HNF4A: variants seen among roughly 807,000 people sequenced by gnomAD.
HNF4A encodes the protein hepatocyte nuclear factor 4 alpha, also known as hepatocyte nuclear factor 4-alpha.
HNF4A carries 15 observed loss-of-function variants against 52.4 expected under a neutral mutation model. That is an observed-to-expected ratio of 0.29 (90% confidence interval 0.19 to 0.44). The LOEUF is 0.44. HNF4A is among the 20% of genes least tolerant of loss of function. The probability of loss-of-function intolerance (pLI) is 1.00; values close to 1 mark genes in which losing one functional copy is unlikely to be tolerated. For missense variants in HNF4A, 479 were observed against 647.2 expected, an observed-to-expected ratio of 0.74 and a Z score of 2.82; for synonymous variants, 280 against 264.4, an observed-to-expected ratio of 1.06 and a Z score of -0.57.
At chr20:44,427,767 G>A (rs189926644) in intron 8 of HNF4A, among the ~76,000 whole-genome samples, 139 of 152,328 alleles carry the variant, frequency 9.1e-4, no homozygotes, top group Middle Eastern at 3.4e-3. Context: ...ATCAGGAGAG[G>A]CTTCTAAAGA....
chr20:44,414,757 G>GATTTT, intron 5 of HNF4A, 95 bp downstream of exon 5: 1 of 1,222,818 alleles, frequency 8.2e-7, no homozygotes. Context: ...GGACTGGCTT[G>GATTTT]ATTTTATTTT....
intron 1 of HNF4A, among the ~76,000 whole-genome samples, chr20:44,361,628 A>G (rs1202846893): frequency 6.6e-6 from 1 of 152,132 alleles, no homozygotes; most frequent in Non-Finnish European, 1.5e-5. Flanking sequence ...CAGTGAGCCA[A>G]GATCACGCCA....
At chr20:44,399,338 A>T (rs937124188), upstream of HNF4A, among the ~76,000 whole-genome samples, 3 of 152,166 alleles carry the variant, frequency 2.0e-5, no homozygotes, top group African/African-American at 7.2e-5. Context: ...AGAAGAGACG[A>T]TGTAAATAAA....
At chr20:44,369,180 T>C (rs1443550593) in intron 1 of HNF4A, among the ~76,000 whole-genome samples, 1 of 123,848 alleles carries the variant, frequency 8.1e-6, no homozygotes, top group Non-Finnish European at 1.6e-5. Flanking sequence ...ATGTGGGAGG[T>C]GGAGGTTTCA....
At chr20:44,383,324 A>G (rs2063178526) in intron 1 of HNF4A, among the ~76,000 whole-genome samples, 1 of 152,200 alleles carries the variant, frequency 6.6e-6, no homozygotes, top group Non-Finnish European at 1.5e-5. Context: ...AATGCCATAC[A>G]CATCATTATG....
At position 44,419,817 on chromosome 20, in the gene HNF4A, A is replaced by C. The variant is rs756539709; in HGVS notation, c.833A>C (p.Glu278Ala). The C allele has an allele frequency of 6.8e-6, 11 of 1,613,944 alleles. No homozygotes were observed. The East Asian group carries it at 2.5e-4, about 36-fold the overall frequency. The change falls in exon 7 of 10, where the codon GAG becomes GCG. Residue 278 changes from glutamate to alanine, a missense_variant. Glu to Ala is a moderately radical substitution (Grantham distance 107). Transcript: ENST00000316099. ...GACGAGCTGGTGCTGCCCTTCCAGGAGCTGCAGATCGATGACAATGAGTAT... is the reference window on the plus strand; with the variant it reads ...GACGAGCTGGTGCTGCCCTTCCAGGCGCTGCAGATCGATGACAATGAGTAT...
chr20:44,403,851 G>A (rs2146351044), intron 1 of HNF4A, among the ~76,000 whole-genome samples: 1 of 152,332 alleles, frequency 6.6e-6, no homozygotes. Context: ...AGATGATAGA[G>A]CTGACAGCCC....
At chr20:44,400,275 A>C (rs987011790), upstream of HNF4A, among the ~76,000 whole-genome samples, 1 of 151,946 alleles carries the variant, frequency 6.6e-6, no homozygotes, top group African/African-American at 2.4e-5. Flanking sequence ...CACAAAGCCC[A>C]CTCTGAAGGT....
At chr20:44,412,488 C>T (rs913897878) in intron 3 of HNF4A, among the ~76,000 whole-genome samples, 3 of 152,006 alleles carry the variant, frequency 2.0e-5, no homozygotes, top group Non-Finnish European at 2.9e-5. Flanking sequence ...GGCGGGTTTT[C>T]GCGGACAGAG....
At chr20:44,379,796 C>T (rs554724361) in intron 1 of HNF4A, among the ~76,000 whole-genome samples, 2 of 145,752 alleles carry the variant, frequency 1.4e-5, no homozygotes, top group East Asian at 2.0e-4. Context: ...TGCAGTGGCG[C>T]GATCTTGGCT....
chr20:44,364,994 C>T (rs1419181112), intron 1 of HNF4A, among the ~76,000 whole-genome samples: 2 of 152,118 alleles, frequency 1.3e-5, no homozygotes, highest in Admixed American at 6.6e-5. Flanking sequence ...GATGTGGTCC[C>T]TAGCGGGGCG....
chr20:44,378,928 AAAAAAAG>A (rs1172725985), intron 1 of HNF4A, among the ~76,000 whole-genome samples: 41 of 151,670 alleles, frequency 2.7e-4, no homozygotes, highest in African/African-American at 8.2e-4. Flanking sequence ...CAAAAAAAAA[AAAAAAAG>A]AAAAGAAAAG....
chr20:44,410,358 G>A (rs897102262), intron 3 of HNF4A, among the ~76,000 whole-genome samples: 1 of 152,210 alleles, frequency 6.6e-6, no homozygotes, highest in African/African-American at 2.4e-5. Context: ...TGGGTTACCT[G>A]GAAGATCATG....
At chr20:44,371,139 G>A (rs945861260) in intron 1 of HNF4A, among the ~76,000 whole-genome samples, 1 of 152,202 alleles carries the variant, frequency 6.6e-6, no homozygotes, top group African/African-American at 2.4e-5. Context: ...AGGGCTCAGC[G>A]CTGGGAGCAG....
intron 5 of HNF4A, among the ~76,000 whole-genome samples, chr20:44,417,179 C>T (rs569757677): frequency 6.6e-6 from 1 of 152,196 alleles, no homozygotes; most frequent in Non-Finnish European, 1.5e-5. Flanking sequence ...TCTAGTTTGG[C>T]TTGCTATGGA....
At chr20:44,375,322 A>G (rs1276421255) in intron 1 of HNF4A, among the ~76,000 whole-genome samples, 1 of 152,112 alleles carries the variant, frequency 6.6e-6, no homozygotes, top group Non-Finnish European at 1.5e-5. Flanking sequence ...TGTTGGATTC[A>G]GAGTTCGCAA....
rs4812832 is a variant in HNF4A at position 44,431,497 on chromosome 20, G to A, written c.*1832G>A. 3,265 of 152,356 alleles carry A rather than the reference G, an allele frequency of 0.021. 268 individuals carry two copies. The highest frequency in any genetic ancestry group is 0.15 in the Admixed American group (2,258 of 15,272). 9.4% of individuals were successfully genotyped at this position (152,356 alleles called of 1,614,324 possible). A position where few individuals can be genotyped will look rare whatever the true frequency, so the allele number is the denominator to read the frequency against. ...ATCTGGCCTGTTGGCATGGGGGTGG[G>A]ACAGTGTGCACAGTGTGGGGGCAGG... On this transcript the variant is annotated 3_prime_UTR_variant, in exon 10 of 10. Coordinates refer to ENST00000316099, the MANE Select transcript of HNF4A (RefSeq NM_000457.6).
intron 1 of HNF4A, 123 bp from the exon 2 acceptor site, chr20:44,405,935 T>C (rs1299257210): frequency 1.1e-6 from 1 of 901,390 alleles, no homozygotes; most frequent in African/African-American, 1.6e-5. Flanking sequence ...GGGGAGGTGA[T>C]GGAGTGGGAA....
At chr20:44,360,253 T>A (rs2062902643) in intron 1 of HNF4A, among the ~76,000 whole-genome samples, 1 of 152,092 alleles carries the variant, frequency 6.6e-6, no homozygotes, top group Admixed American at 6.6e-5. Flanking sequence ...ATGAATGTGA[T>A]GTGATGAATG....
Sources: gnomAD v4.1 joint callset for allele counts (sites outside exome capture counted in the v4.1 genomes callset) on GRCh38, gnomAD v4.1.1 for gene constraint, MANE v1.5 for transcripts, NCBI Gene and HGNC (gene_info 2026-07-23, HGNC 2026-07-21) for gene names.